Variants in PARD3 observed in about 807,000 individuals in gnomAD.
PARD3 encodes the protein partitioning defective 3 homolog.
In PARD3, 75 loss-of-function variants were observed where a neutral mutation model predicts 155.4. That is an observed-to-expected ratio of 0.48 (90% CI 0.40 to 0.58). The LOEUF (loss-of-function observed/expected upper bound fraction) is 0.58. Ranked by LOEUF, PARD3 falls within the 20% of genes least tolerant of loss-of-function variation. The pLI, the probability that PARD3 is intolerant of heterozygous loss-of-function variation, is 0.00. For synonymous variants in PARD3, 576 were observed against 610.5 expected (o/e 0.94, Z 0.83); for missense variants, 1,642 against 1,721.7 (o/e 0.95, Z 0.82).
At chr10:34,265,720 G>A (rs73270776) in intron 22 of PARD3, among the ~76,000 whole-genome samples, 148 of 152,300 alleles carry the variant, frequency 9.7e-4, no homozygotes, top group African/African-American at 3.2e-3. Context: ...TCTTCTTACA[G>A]GCGTGTCATT....
At chr10:34,162,257 A>G (rs1383745101) in intron 22 of PARD3, among the ~76,000 whole-genome samples, 2 of 152,156 alleles carry the variant, frequency 1.3e-5, no homozygotes, top group Admixed American at 1.3e-4. Context: ...ACCTTATACA[A>G]ACAGGGAACC....
chr10:34,679,433 TAG>T (rs2133318760), intron 2 of PARD3, among the ~76,000 whole-genome samples: 1 of 152,214 alleles, frequency 6.6e-6, no homozygotes, highest in Admixed American at 6.5e-5. Context: ...CTTGCCAAAA[TAG>T]ACAGAGGGCT....
At chr10:34,641,708 G>A (rs531521098) in intron 2 of PARD3, among the ~76,000 whole-genome samples, 18 of 152,274 alleles carry the variant, frequency 1.2e-4, no homozygotes, top group South Asian at 4.1e-4. Flanking sequence ...GAGCTGTGCC[G>A]CAGTTCATCA....
intron 6 of PARD3, among the ~76,000 whole-genome samples, chr10:34,400,334 TACATA>T (rs1361414371): frequency 6.6e-6 from 1 of 152,180 alleles, no homozygotes; most frequent in East Asian, 1.9e-4. Context: ...AACATAACGT[TACATA>T]ATGTATGGAT....
chr10:34,507,761 A>G (rs191844854), intron 3 of PARD3, among the ~76,000 whole-genome samples: 27 of 152,298 alleles, frequency 1.8e-4, no homozygotes, highest in Middle Eastern at 6.8e-3. Context: ...TAATAGATAT[A>G]TGACCTTGTC....
intron 2 of PARD3, among the ~76,000 whole-genome samples, chr10:34,638,037 T>C (rs903012291): frequency 5.3e-5 from 8 of 152,108 alleles, no homozygotes; most frequent in Non-Finnish European, 1.0e-4. Flanking sequence ...AAACTGACAA[T>C]TCAGTCCACA....
intron 1 of PARD3, among the ~76,000 whole-genome samples, chr10:34,705,092 A>T (rs1417161216): frequency 6.6e-6 from 1 of 152,224 alleles, no homozygotes; most frequent in Non-Finnish European, 1.5e-5. Flanking sequence ...CTTAAAAAAA[A>T]AATGAATCAT....
intron 2 of PARD3, among the ~76,000 whole-genome samples, chr10:34,638,577 A>G (rs1182984772): frequency 6.6e-6 from 1 of 152,226 alleles, no homozygotes; most frequent in East Asian, 1.9e-4. Flanking sequence ...TCCTCTGGGA[A>G]GTGCAGGCGC....
intron 14 of PARD3, 24 bp from the exon 15 acceptor site, chr10:34,348,139 C>T (rs773216607): frequency 6.4e-7 from 1 of 1,569,466 alleles, no homozygotes; most frequent in South Asian, 1.2e-5. Context: ...GGTATGGGGG[C>T]AAAGAAAAAT....
At chr10:34,213,750 G>C (rs1951866487) in intron 22 of PARD3, among the ~76,000 whole-genome samples, 1 of 152,146 alleles carries the variant, frequency 6.6e-6, no homozygotes. Context: ...TGGCAGCAGA[G>C]GACAGGAGGT....
At chr10:34,289,013 G>A (rs945906044) in intron 20 of PARD3, among the ~76,000 whole-genome samples, 1 of 152,186 alleles carries the variant, frequency 6.6e-6, no homozygotes, top group Non-Finnish European at 1.5e-5. Flanking sequence ...CCGGGCTGGA[G>A]TGCAGTGGTG....
At chr10:34,485,528 A>G (rs927071817) in intron 3 of PARD3, among the ~76,000 whole-genome samples, 4 of 152,154 alleles carry the variant, frequency 2.6e-5, no homozygotes, top group Admixed American at 1.3e-4. Flanking sequence ...GAAAGGTAGG[A>G]CAATGAAGCA....
intron 15 of PARD3, among the ~76,000 whole-genome samples, chr10:34,342,184 T>C (rs1186018026): frequency 1.3e-5 from 2 of 152,260 alleles, no homozygotes; most frequent in African/African-American, 4.8e-5. Flanking sequence ...GAAGCCCCAC[T>C]AACTTGCATT....
At position 34,145,189 on chromosome 10, in the gene PARD3, GTATATATATATATA is replaced by G. The variant is rs575139416; in HGVS notation, c.3420-13620_3420-13607del. On this transcript the variant is annotated intron_variant, in intron 22 of 24. Coordinates refer to ENST00000374788, the MANE Select transcript of PARD3 (RefSeq NM_001184785.2). ...TCAACTCTTCATTGTGTGTGTGTGT[GTATATATATATATA>G]TATATATATATATATATATTTTTTT... Among the ~76,000 whole-genome samples the G allele has an allele frequency of 3.4e-4, 17 of 49,620 alleles. No homozygotes were observed. The South Asian group carries it at 9.7e-3, about 28-fold the overall frequency. The allele number at this position is 49,620 out of a possible 152,430, so 32.6% of individuals were successfully genotyped here.
At chr10:34,281,574 T>C (rs1229052838) in intron 21 of PARD3, among the ~76,000 whole-genome samples, 1 of 152,026 alleles carries the variant, frequency 6.6e-6, no homozygotes, top group Non-Finnish European at 1.5e-5. Context: ...ACAGTGTTGG[T>C]AGCAAGTGAC....
At chr10:34,252,400 C>G (rs1433936931) in intron 22 of PARD3, among the ~76,000 whole-genome samples, 1 of 152,160 alleles carries the variant, frequency 6.6e-6, no homozygotes, top group African/African-American at 2.4e-5. Flanking sequence ...CCTCGTCCTT[C>G]CTCTCCCTTC....
chr10:34,561,085 G>A (rs2085431179), intron 2 of PARD3, among the ~76,000 whole-genome samples: 1 of 152,136 alleles, frequency 6.6e-6, no homozygotes. Flanking sequence ...ATCTTGAGAA[G>A]GGGAGAAGGG....
At chr10:34,211,225 C>T (rs1004886079) in intron 22 of PARD3, among the ~76,000 whole-genome samples, 3 of 152,076 alleles carry the variant, frequency 2.0e-5, no homozygotes, top group African/African-American at 7.2e-5. Context: ...GGAGATGTGT[C>T]TAGGGTCGTA....
intron 3 of PARD3, among the ~76,000 whole-genome samples, chr10:34,507,550 A>AAAAAAAAAAAAAAAAAAAAAAAAC (rs1554880669): frequency 5.4e-5 from 7 of 129,192 alleles, no homozygotes; most frequent in African/African-American, 2.2e-4. Flanking sequence ...TAAAAAAACA[A>AAAAAAAAAAAAAAAAAAAAAAAAC]AAAAAAAAAA....
Sources: allele counts gnomAD v4.1 joint callset (sites outside exome capture counted in the v4.1 genomes callset), GRCh38; gene constraint gnomAD v4.1.1; transcripts MANE v1.5; gene names NCBI Gene and HGNC (gene_info 2026-07-23, HGNC 2026-07-21).